The following CATSPERE variants were observed in gnomAD, a reference collection of about 807,000 sequenced individuals.
CATSPERE encodes the protein cation channel sperm-associated auxiliary subunit epsilon.
A neutral mutation model predicts 114.1 loss-of-function variants in CATSPERE; 93 were observed. That is an observed-to-expected ratio of 0.81 (90% CI 0.69 to 0.97). CATSPERE has a LOEUF of 0.97. Among genes scored for constraint, CATSPERE ranks in the 50% least tolerant of loss-of-function variants. The pLI is 0.00. For missense variants in CATSPERE, 1,058 were observed against 1,131.6 expected (o/e 0.93, Z 0.93); for synonymous variants, 341 against 384.1 (o/e 0.89, Z 1.31).
In CATSPERE at chr1:244,522,944, C is replaced by G. The variant is rs543455498; in HGVS notation, c.536+4246C>G. Among the ~76,000 whole-genome samples the G allele has an allele frequency of 2.0e-5, 3 of 152,024 alleles. No homozygotes were observed. The South Asian group carries it at 6.2e-4, about 32-fold the overall frequency. On this transcript the variant is annotated intron_variant, in intron 8 of 21. Transcript: ENST00000366534. ...GGTACCATTCCTTCTGAAACTATTC[C>G]AATCAGTAGAAAAAGAGGGAATCCT...
At chr1:244,572,839 TG>T in intron 11 of CATSPERE, 67 bp downstream of exon 11, 1 of 1,061,410 alleles carries the variant, frequency 9.4e-7, no homozygotes, top group Non-Finnish European at 1.3e-6. Flanking sequence ...TTAACATTTT[TG>T]TAAATGGATT....
intron 11 of CATSPERE, among the ~76,000 whole-genome samples, 176 bp from the exon 12 acceptor site, chr1:244,581,620 A>G (rs1453584254): frequency 1.3e-5 from 2 of 152,184 alleles, no homozygotes; most frequent in African/African-American, 2.4e-5. Flanking sequence ...TTACGTATCT[A>G]TGCACCTGTC....
Position 244,593,593 on chromosome 1 carries a change from A to T in CATSPERE, c.2303+15A>T. 1 of 1,596,164 alleles carries T rather than the reference A, an allele frequency of 6.3e-7. No individual in the cohort carries two copies. The highest frequency in any genetic ancestry group is 8.6e-7 in the Non-Finnish European group (1 of 1,167,942). ...GTGGTTCAACTGTAAGTATATTCTC[A>T]TCAACATTTTAACTTATATTGAAAG... On this transcript the variant is annotated intron_variant, in intron 17 of 21. Coordinates refer to ENST00000366534, the MANE Select transcript of CATSPERE (RefSeq NM_001130957.2).
intron 7 of CATSPERE, among the ~76,000 whole-genome samples, chr1:244,503,954 A>C (rs192605223): frequency 1.3e-5 from 2 of 152,346 alleles, no homozygotes; most frequent in East Asian, 3.9e-4. Context: ...TTATTTAACA[A>C]ATTTTGTGTT....
intron 14 of CATSPERE, among the ~76,000 whole-genome samples, chr1:244,589,826 C>A (rs1312916010): frequency 1.3e-5 from 2 of 152,164 alleles, no homozygotes; most frequent in African/African-American, 4.8e-5. Flanking sequence ...AGTTACTCAT[C>A]AGAATCACTT....
At chr1:244,534,134 A>C (rs995943704) in intron 8 of CATSPERE, among the ~76,000 whole-genome samples, 1 of 152,098 alleles carries the variant, frequency 6.6e-6, no homozygotes, top group African/African-American at 2.4e-5. Context: ...TGCCAGACAT[A>C]TTGGACCTCC....
chr1:244,459,784 C>T (rs906573267), upstream of CATSPERE, among the ~76,000 whole-genome samples: 1 of 152,232 alleles, frequency 6.6e-6, no homozygotes, highest in African/African-American at 2.4e-5. Flanking sequence ...AGGCTGTTCA[C>T]TTAAACACTG....
upstream of CATSPERE, chr1:244,451,488 G>A (rs957922896): frequency 2.9e-5 from 25 of 860,824 alleles, no homozygotes; most frequent in African/African-American, 4.4e-4. The surrounding 1 kb of genome is among the most constrained non-coding windows in gnomAD (Gnocchi z 6.6). Flanking sequence ...CCACGTAGCC[G>A]CAGCTCAGGA....
chr1:244,520,233 A>G (rs760015732), intron 8 of CATSPERE, among the ~76,000 whole-genome samples: 5 of 151,918 alleles, frequency 3.3e-5, no homozygotes, highest in Non-Finnish European at 5.9e-5. Flanking sequence ...TTTTTTTCCT[A>G]TGAGTATTAT....
intron 8 of CATSPERE, among the ~76,000 whole-genome samples, chr1:244,520,514 A>G (rs74153707): frequency 0.055 from 8,327 of 152,170 alleles, 785 homozygotes; most frequent in African/African-American, 0.19. Flanking sequence ...CCTTATGCCA[A>G]TACCACACTT....
chr1:244,619,124 A>T (rs1461984794), intron 20 of CATSPERE, among the ~76,000 whole-genome samples: 1 of 152,210 alleles, frequency 6.6e-6, no homozygotes, highest in East Asian at 1.9e-4. Flanking sequence ...ATAAACAGTT[A>T]AGAATTCTAA....
chr1:244,503,487 C>T (rs372383511), intron 7 of CATSPERE, among the ~76,000 whole-genome samples: 2 of 152,158 alleles, frequency 1.3e-5, no homozygotes, highest in Non-Finnish European at 2.9e-5. Flanking sequence ...TCTGCCATCA[C>T]GTTTACCCTC....
intron 1 of CATSPERE, among the ~76,000 whole-genome samples, chr1:244,463,066 G>A (rs1344795812): frequency 6.6e-6 from 1 of 152,044 alleles, no homozygotes; most frequent in Non-Finnish European, 1.5e-5. Flanking sequence ...GTACACACCA[G>A]ATTTCAAAGA....
At chr1:244,638,887 G>A (rs183223618) in intron 21 of CATSPERE, among the ~76,000 whole-genome samples, 99 of 152,192 alleles carry the variant, frequency 6.5e-4, no homozygotes, top group African/African-American at 2.2e-3. Flanking sequence ...GACTCTCATC[G>A]TAGCTTACCT....
chr1:244,552,928 G>C (rs1660885162), intron 9 of CATSPERE, 114 bp downstream of exon 9: 1 of 501,694 alleles, frequency 2.0e-6, no homozygotes, highest in South Asian at 9.4e-5. Context: ...TTGCCCAGTT[G>C]TTTTATCTAA....
intron 10 of CATSPERE, among the ~76,000 whole-genome samples, chr1:244,566,324 T>A (rs573473621): frequency 6.6e-6 from 1 of 152,298 alleles, no homozygotes; most frequent in East Asian, 1.9e-4. Flanking sequence ...GAGAGTTCTG[T>A]AGATGTCTAT....
intron 8 of CATSPERE, among the ~76,000 whole-genome samples, chr1:244,549,965 G>A (rs3005993): frequency 0.99 from 151,211 of 152,314 alleles, 75,067 homozygotes; most frequent in Middle Eastern, 1. Flanking sequence ...AAAGAAGAGC[G>A]AATGCACGCT....
intron 17 of CATSPERE, 102 bp downstream of exon 17, chr1:244,593,680 G>A (rs1668015367): frequency 1.1e-6 from 1 of 927,402 alleles, no homozygotes; most frequent in African/African-American, 1.7e-5. Context: ...ACGTATTTTA[G>A]ACTCTACTCA....
At chr1:244,581,744 C>T (rs2148612116) in intron 11 of CATSPERE, 52 bp from the exon 12 acceptor site, 2 of 804,742 alleles carry the variant, frequency 2.5e-6, no homozygotes, top group South Asian at 3.1e-5. Context: ...AAAGTGGGAT[C>T]ACCACCCCCA....
Sources: allele counts gnomAD v4.1 joint callset (sites outside exome capture counted in the v4.1 genomes callset), GRCh38; gene constraint gnomAD v4.1.1; non-coding constraint Gnocchi (gnomAD v3.1); transcripts MANE v1.5; gene names NCBI Gene and HGNC (gene_info 2026-07-23, HGNC 2026-07-21).